SOX5: variants seen among roughly 807,000 people sequenced by gnomAD.
SOX5 encodes SRY-box transcription factor 5, also known as transcription factor SOX-5.
SOX5 carries 9 observed loss-of-function variants against 92.0 expected under a neutral mutation model. The ratio of observed to expected loss-of-function variants is 0.10; its 90% CI spans 0.06 to 0.17. The LOEUF is 0.17. Ranked by LOEUF, SOX5 falls within the 10% of genes least tolerant of loss-of-function variation. SOX5 has a pLI of 1.00. For synonymous variants in SOX5, 344 were observed against 336.3 expected, an observed-to-expected ratio of 1.02 and a Z score of -0.25; for missense variants, 642 against 944.5, an observed-to-expected ratio of 0.68 and a Z score of 4.20.
intron 7 of SOX5, among the ~76,000 whole-genome samples, chr12:23,648,959 G>A (rs1043297803): frequency 2.0e-5 from 3 of 152,100 alleles, no homozygotes; most frequent in African/African-American, 4.8e-5. Context: ...CAAAAGGATT[G>A]TGTCTAATAG....
At chr12:23,819,913 T>G (rs993431121) in intron 3 of SOX5, among the ~76,000 whole-genome samples, 1 of 152,172 alleles carries the variant, frequency 6.6e-6, no homozygotes, top group African/African-American at 2.4e-5. Context: ...GTCTTTACAG[T>G]AGAATAATTT....
chr12:24,309,695 A>G (rs553532), intron 2 of SOX5, among the ~76,000 whole-genome samples: 133,050 of 152,112 alleles, frequency 0.87, 58,485 homozygotes, highest in East Asian at 0.98. Context: ...CTTGTGGTAC[A>G]TATATACTAT....
chr12:23,600,166 G>C (rs575859898), intron 9 of SOX5, among the ~76,000 whole-genome samples: 8 of 152,158 alleles, frequency 5.3e-5, no homozygotes, highest in Non-Finnish European at 1.0e-4. Context: ...ATGTGAGAAG[G>C]TAGAATTATT....
intron 8 of SOX5, among the ~76,000 whole-genome samples, chr12:23,625,011 A>G (rs2077592513): frequency 6.6e-6 from 1 of 152,150 alleles, no homozygotes; most frequent in Admixed American, 6.6e-5. Context: ...TGTATAATAT[A>G]CCATATGCGT....
intron 1 of SOX5, among the ~76,000 whole-genome samples, chr12:24,403,798 T>A (rs1347942416): frequency 3.9e-5 from 6 of 152,226 alleles, no homozygotes; most frequent in Admixed American, 3.9e-4. Flanking sequence ...CGCATATTTC[T>A]CAGTAAGTAA....
At chr12:24,128,100 C>G (rs2138438772) in intron 4 of SOX5, among the ~76,000 whole-genome samples, 1 of 152,290 alleles carries the variant, frequency 6.6e-6, no homozygotes. Flanking sequence ...TTATTGTTAT[C>G]TTTTGTTTCG....
intron 3 of SOX5, among the ~76,000 whole-genome samples, chr12:23,772,059 C>T (rs891763553): frequency 2.6e-5 from 4 of 152,082 alleles, no homozygotes; most frequent in Non-Finnish European, 4.4e-5. Context: ...TATTTGCATG[C>T]CTGCTCTTAT....
upstream of SOX5, among the ~76,000 whole-genome samples, chr12:23,951,771 T>G (rs1296183644): frequency 6.6e-6 from 1 of 152,100 alleles, no homozygotes; most frequent in Non-Finnish European, 1.5e-5. Context: ...TAACAAGGGA[T>G]GTGGCAAAAA....
chr12:24,034,911 G>C (rs1215523426), intron 4 of SOX5, among the ~76,000 whole-genome samples: 2 of 152,034 alleles, frequency 1.3e-5, no homozygotes, highest in South Asian at 2.1e-4. Context: ...TCTCAATCAA[G>C]CTACTAATAG....
At chr12:24,532,518 T>C (rs1951287219) in intron 1 of SOX5, among the ~76,000 whole-genome samples, 1 of 152,204 alleles carries the variant, frequency 6.6e-6, no homozygotes, top group Non-Finnish European at 1.5e-5. Flanking sequence ...TCAGGATGCA[T>C]AATGTCAAAC....
chr12:24,372,539 A>G (rs2136276183), intron 1 of SOX5, among the ~76,000 whole-genome samples: 1 of 152,262 alleles, frequency 6.6e-6, no homozygotes, highest in Non-Finnish European at 1.5e-5. Context: ...TCACTGATGC[A>G]CATTTGGGTT....
At chr12:23,792,572 G>A (rs1272916922) in intron 3 of SOX5, among the ~76,000 whole-genome samples, 8 of 128,870 alleles carry the variant, frequency 6.2e-5, no homozygotes, top group South Asian at 2.6e-4. Context: ...GCAGTGAGCC[G>A]AGATCTTACC....
intron 1 of SOX5, among the ~76,000 whole-genome samples, chr12:24,411,233 C>CATA (rs1964018078): frequency 6.6e-6 from 1 of 151,726 alleles, no homozygotes; most frequent in African/African-American, 2.4e-5. Context: ...AGATTTTCCA[C>CATA]ATAAACAATG....
At chr12:23,541,144 CT>C (rs1249683846) in intron 13 of SOX5, among the ~76,000 whole-genome samples, 7 of 152,130 alleles carry the variant, frequency 4.6e-5, no homozygotes, top group African/African-American at 9.7e-5. Flanking sequence ...TTCTAATATT[CT>C]TTCCCTCAAA....
intron 4 of SOX5, among the ~76,000 whole-genome samples, chr12:24,188,220 A>G (rs1338597878): frequency 6.6e-6 from 1 of 152,208 alleles, no homozygotes. Flanking sequence ...CAAGGCAAAG[A>G]GCCAGAGTTA....
At chr12:23,640,341 AC>A (rs1344509026) in intron 8 of SOX5, among the ~76,000 whole-genome samples, 1 of 152,130 alleles carries the variant, frequency 6.6e-6, no homozygotes, top group Non-Finnish European at 1.5e-5. Flanking sequence ...TATTTGGTCT[AC>A]TTTTCCTTGC....
intron 4 of SOX5, among the ~76,000 whole-genome samples, chr12:24,119,750 C>G (rs1016797523): frequency 2.0e-5 from 3 of 152,094 alleles, no homozygotes; most frequent in Non-Finnish European, 4.4e-5. Context: ...AGCTCAAGAT[C>G]TGTAACCAAT....
intron 4 of SOX5, among the ~76,000 whole-genome samples, chr12:24,051,776 C>T (rs567569551): frequency 6.6e-6 from 1 of 152,124 alleles, no homozygotes; most frequent in Non-Finnish European, 1.5e-5. Flanking sequence ...TCCAACTTCC[C>T]GTATTTCTAG....
intron 1 of SOX5, among the ~76,000 whole-genome samples, chr12:23,937,941 G>GTTGAAATCTGTTTTGTATAAAATGTGCGC (rs1942938088): frequency 1.3e-5 from 2 of 150,404 alleles, no homozygotes; most frequent in Admixed American, 1.3e-4. Context: ...CAAGCAGATG[G>GTTGAAATCTGTTTTGTATAAAATGTGCGC]TTGAAATCTG....
Sources: allele counts gnomAD v4.1 joint callset (sites outside exome capture counted in the v4.1 genomes callset), GRCh38; gene constraint gnomAD v4.1.1; transcripts MANE v1.5; gene names NCBI Gene and HGNC (gene_info 2026-07-23, HGNC 2026-07-21).